PTPRQ: variants seen among roughly 807,000 people sequenced by gnomAD.
PTPRQ encodes phosphatidylinositol phosphatase PTPRQ.
In PTPRQ, 199 loss-of-function variants were observed where a neutral mutation model predicts 246.0. The ratio of observed to expected loss-of-function variants is 0.81; its 90% CI spans 0.72 to 0.91. The LOEUF is 0.91. PTPRQ is among the 40% of genes least tolerant of loss of function. The probability of loss-of-function intolerance (pLI) is 0.00; values close to 1 mark genes in which losing one functional copy is unlikely to be tolerated. For synonymous variants in PTPRQ, 869 were observed against 853.2 expected (o/e 1.02, Z -0.32); for missense variants, 2,624 against 2,528.4 (o/e 1.04, Z -0.81).
chr12:80,474,970 C>G (rs960951686), intron 8 of PTPRQ, among the ~76,000 whole-genome samples: 8 of 152,126 alleles, frequency 5.3e-5, no homozygotes, highest in African/African-American at 1.9e-4. Flanking sequence ...GAGAGCCTGC[C>G]AACTTTGTGT....
intron 14 of PTPRQ, among the ~76,000 whole-genome samples, chr12:80,498,109 A>G (rs748970842): frequency 1.3e-5 from 2 of 152,064 alleles, no homozygotes; most frequent in South Asian, 2.1e-4. Flanking sequence ...AGTGACACTT[A>G]ATTGATATTA....
chr12:80,459,130 G>A (rs938014634), intron 4 of PTPRQ, among the ~76,000 whole-genome samples, 154 bp from the exon 5 acceptor site: 1 of 151,930 alleles, frequency 6.6e-6, no homozygotes, highest in Non-Finnish European at 1.5e-5. Context: ...TTTTATTTTA[G>A]GCAAAGTTCA....
intron 26 of PTPRQ, among the ~76,000 whole-genome samples, chr12:80,595,047 CT>C (rs1174892408): frequency 1.3e-5 from 2 of 152,164 alleles, no homozygotes; most frequent in African/African-American, 4.8e-5. Context: ...GTTCTTTCTC[CT>C]TTATGATCCA....
At chr12:80,599,718 C>T (rs1042487974) in intron 26 of PTPRQ, among the ~76,000 whole-genome samples, 176 of 151,534 alleles carry the variant, frequency 1.2e-3, no homozygotes, top group African/African-American at 4.2e-3. Flanking sequence ...TAATACTCTA[C>T]AATACTAAAA....
rs1896537830 is a variant in PTPRQ at position 80,553,152 on chromosome 12, A to G, written c.4285+3418A>G. Among the ~76,000 whole-genome samples the G allele has an allele frequency of 2.0e-5, 3 of 152,142 alleles. No homozygotes were observed. The South Asian group carries it at 6.2e-4, about 32-fold the overall frequency. ...TTTTCATAGAGGTTTTTACTCCATT[A>G]CAATATATTATTTCCACATTCCCAT... On this transcript the variant is annotated intron_variant, in intron 25 of 44. Transcript: ENST00000644991.
chr12:80,465,766 C>G (rs1376882210), intron 6 of PTPRQ, among the ~76,000 whole-genome samples: 1 of 152,114 alleles, frequency 6.6e-6, no homozygotes, highest in Non-Finnish European at 1.5e-5. Context: ...ACATGATTAT[C>G]TCAATAGATG....
At chr12:80,479,329 G>A (rs2120580144) in intron 8 of PTPRQ, among the ~76,000 whole-genome samples, 1 of 151,298 alleles carries the variant, frequency 6.6e-6, no homozygotes, top group South Asian at 2.1e-4. Context: ...CAAATGCTGA[G>A]AGATTTTGTC....
At chr12:80,649,135 T>C (rs1405509760) in intron 36 of PTPRQ, among the ~76,000 whole-genome samples, 1 of 152,100 alleles carries the variant, frequency 6.6e-6, no homozygotes, top group Non-Finnish European at 1.5e-5. Context: ...GTATTTTAGC[T>C]TGGGAAGTAA....
At chr12:80,482,696 C>T (rs1246216335) in intron 8 of PTPRQ, among the ~76,000 whole-genome samples, 2 of 151,380 alleles carry the variant, frequency 1.3e-5, no homozygotes, top group African/African-American at 4.9e-5. Flanking sequence ...ACAAACAACC[C>T]CATCAAAAAG....
At chr12:80,629,757 G>A (rs912580640) in intron 33 of PTPRQ, among the ~76,000 whole-genome samples, 1 of 152,166 alleles carries the variant, frequency 6.6e-6, no homozygotes, top group Non-Finnish European at 1.5e-5. Flanking sequence ...GACAAAGGTG[G>A]ATACAGGCAG....
At position 80,478,746 on chromosome 12, in the gene PTPRQ, C is replaced by T. The variant is rs533035375; in HGVS notation, c.1187-5687C>T. ...TGAAGAATGCAGAAGCCTCAGGAGC[C>T]GATGCGATCAACTGGAAGAAAGGGT... On this transcript the variant is annotated intron_variant, in intron 8 of 44. Transcript: ENST00000644991. Among the ~76,000 whole-genome samples, 121 of 152,072 alleles carry T rather than the reference C, an allele frequency of 8.0e-4. 2 individuals are homozygous for T. Among genetic ancestry groups the T allele is most frequent in the Non-Finnish European group, 1.4e-3 (93 of 68,006 alleles).
chr12:80,610,522 C>G lies in PTPRQ; in HGVS notation c.4815C>G (p.Phe1605Leu). The change falls in exon 28 of 45, where the codon TTC (phenylalanine) becomes TTG (leucine). Residue 1605 changes from phenylalanine (F) to leucine (L), a missense_variant. By Grantham distance (22) the Phe-to-Leu change is conservative. Transcript: ENST00000644991. Reference protein sequence around the residue: ...KTIEIKDLEIFTRYSVVITAF... With the variant: ...KTIEIKDLEILTRYSVVITAF... ...TAGAAATTAAAGATTTAGAAATATTCACAAGGTATTCTGTAGTGATCACTG... is the reference window on the plus strand; with the variant it reads ...TAGAAATTAAAGATTTAGAAATATTGACAAGGTATTCTGTAGTGATCACTG... The G allele has an allele frequency of 1.3e-6, 2 of 1,534,422 alleles. No individual in the cohort carries two copies. Among genetic ancestry groups the G allele is most frequent in the Non-Finnish European group, 1.8e-6 (2 of 1,137,460 alleles).
In PTPRQ at chr12:80,678,691, A is replaced by T. The variant is rs934793209; in HGVS notation, c.6828A>T (p.Ala2276=). Residue 2276 remains alanine (A), a synonymous_variant, in exon 44 of 45, where the codon GCA becomes GCT. Transcript: ENST00000644991. ...NQPICFVNYS[A]LQKMDSLDAM... ...CCATCTGTTTTGTTAACTATTCAGC[A>T]CTTCAGAAGATGGACTCTTTGGACG... 5.2e-6 allele frequency: 8 copies of T among 1,550,174 alleles called. No individual in the cohort carries two copies. The East Asian group carries it at 1.7e-4, about 33-fold the overall frequency.
intron 3 of PTPRQ, among the ~76,000 whole-genome samples, chr12:80,455,268 A>T (rs1373494641): frequency 6.6e-6 from 1 of 152,242 alleles, no homozygotes; most frequent in African/African-American, 2.4e-5. Flanking sequence ...TTTATACTTT[A>T]TGAAATTGAT....
chr12:80,636,803 T>C (rs1899670677), intron 35 of PTPRQ, among the ~76,000 whole-genome samples: 1 of 152,212 alleles, frequency 6.6e-6, no homozygotes, highest in Non-Finnish European at 1.5e-5. Context: ...ACTCTTTTTG[T>C]TTATTATGTC....
In PTPRQ at chr12:80,632,238, T is replaced by G. The variant is rs1169984414; in HGVS notation, c.5733T>G (p.Thr1911=). Residue 1911 remains threonine, a synonymous_variant, in exon 34 of 45, where the codon ACT becomes ACG. Transcript: ENST00000644991. ...CCGTAGAGATCATTCTTTCCGTCAC[T>G]TTGTGTATCCTTTCAATAATTCTCC... The part of the protein sequence containing the change: ...ERTVEIILSV[T]LCILSIILLG... 1.3e-6 allele frequency: 2 copies of G among 1,551,374 alleles called. No individual in the cohort carries two copies. The highest frequency in any genetic ancestry group is 2.4e-5 in the East Asian group (1 of 40,886).
At chr12:80,661,700 AT>A (rs1162613800) in intron 39 of PTPRQ, among the ~76,000 whole-genome samples, 3 of 151,730 alleles carry the variant, frequency 2.0e-5, no homozygotes, top group African/African-American at 7.2e-5. Flanking sequence ...ATATGGGTAA[AT>A]AAAGAAAACC....
At chr12:80,529,495 A>G (rs550096675) in intron 17 of PTPRQ, among the ~76,000 whole-genome samples, 1 of 152,292 alleles carries the variant, frequency 6.6e-6, no homozygotes, top group Admixed American at 6.5e-5. Flanking sequence ...ACACATTTAT[A>G]CTTATGGAAA....
chr12:80,483,094 C>T (rs772585561), intron 8 of PTPRQ, among the ~76,000 whole-genome samples: 8,873 of 111,968 alleles, frequency 0.079, 240 homozygotes, highest in Middle Eastern at 0.13. Context: ...TATTGTGGCA[C>T]TATTCACAAT....
Sources: allele counts gnomAD v4.1 joint callset (sites outside exome capture counted in the v4.1 genomes callset), GRCh38; gene constraint gnomAD v4.1.1; transcripts MANE v1.5; gene names NCBI Gene and HGNC (gene_info 2026-07-23, HGNC 2026-07-21).